The following FGA variants were observed in gnomAD, a reference collection of about 807,000 sequenced individuals.
FGA encodes the protein fibrinogen alpha chain, also known as fibrinogen, A alpha polypeptide.
Under a neutral mutation model 20.3 loss-of-function variants are expected in FGA, and 20 were observed. That is an observed-to-expected ratio of 0.99 (90% confidence interval 0.69 to 1.43). The LOEUF (loss-of-function observed/expected upper bound fraction) is 1.43. Among genes scored for constraint, FGA ranks in the 40% most tolerant of loss-of-function variants. The pLI, the probability that FGA is intolerant of heterozygous loss-of-function variation, is 0.00. For synonymous variants in FGA, 306 were observed against 281.6 expected, an observed-to-expected ratio of 1.09 and a Z score of -0.87; for missense variants, 777 against 784.7, an observed-to-expected ratio of 0.99 and a Z score of 0.12.
At chr4:154,584,576 G>C (rs373841420), downstream of FGA, 1 of 1,614,170 alleles carries the variant, frequency 6.2e-7, no homozygotes, top group African/African-American at 1.3e-5. Context: ...CTTTGGGTTA[G>C]TAAGTGGAGG....
intron 3 of FGA, among the ~76,000 whole-genome samples, chr4:154,588,441 A>T (rs1007232424): frequency 6.6e-6 from 1 of 152,110 alleles, no homozygotes; most frequent in African/African-American, 2.4e-5. Context: ...AAGTTCCTTG[A>T]CCTCTCAGTT....
intron 2 of FGA, 94 bp from the exon 3 acceptor site, chr4:154,589,070 C>T: frequency 2.6e-6 from 3 of 1,151,776 alleles, no homozygotes; most frequent in South Asian, 1.3e-5. Flanking sequence ...TCTTCCTACC[C>T]TATCTCTTCC....
At chr4:154,583,779 A>C, downstream of FGA, 1 of 233,216 alleles carries the variant, frequency 4.3e-6, no homozygotes, top group Non-Finnish European at 8.4e-6. Flanking sequence ...CAATGGCATT[A>C]TGATTTTGGG....
rs1185251751 is a variant in FGA at position 154,588,858 on chromosome 4, T to C, written c.299A>G (p.Lys100Arg). The C allele has an allele frequency of 6.2e-7, 1 of 1,612,480 alleles. No individual in the cohort carries two copies. Among genetic ancestry groups the C allele is most frequent in the South Asian group, 1.1e-5 (1 of 90,970 alleles). ...ATTAGTGGTCAACGAATGAGAATCC[T>C]TATTGTTCTTCTGATATTCAAATAG... ...NSLFEYQKNN[K>R]DSHSLTTNIM... Residue 100 changes from lysine (K) to arginine (R), a missense_variant, in exon 3 of 5, where the codon AAG (lysine) becomes AGG (arginine). Lys to Arg is a conservative substitution (Grantham distance 26, BLOSUM62 2). Coordinates refer to ENST00000403106, the MANE Select transcript of FGA (RefSeq NM_021871.4).
rs1578796171 is a variant in FGA, at chr4:154,586,479, C to T, written c.950G>A (p.Gly317Glu). The T allele has an allele frequency of 6.2e-7, 1 of 1,613,902 alleles. No individual in the cohort carries two copies. The highest frequency in any genetic ancestry group is 2.2e-5 in the East Asian group (1 of 44,856). ...NRNPGSSGTG[G>E]TATWKPGSSG... is the part of the protein sequence containing the mutation. ...GCTCCCAGGTTTCCAGGTTGCAGTC[C>T]CTCCAGTCCCAGAGCTCCCAGGGTT... The change falls in exon 5 of 5, where the codon GGG becomes GAG. Residue 317 changes from glycine to glutamate, a missense_variant. Coordinates refer to ENST00000403106, the MANE Select transcript of FGA (RefSeq NM_021871.4).
At chr4:154,589,389 C>G (rs377738315) in intron 2 of FGA, 48 bp downstream of exon 2, 7 of 1,611,616 alleles carry the variant, frequency 4.3e-6, no homozygotes, top group Middle Eastern at 1.7e-4. Context: ...GTGAGCCCCT[C>G]TAGCATCAGA....
chr4:154,583,569 A>G (rs1412794458), downstream of FGA: 1 of 152,596 alleles, frequency 6.6e-6, no homozygotes, highest in Non-Finnish European at 1.5e-5. Context: ...TATATTTAGG[A>G]AAGAATGTTT....
chr4:154,584,464 T>C, downstream of FGA: 1 of 1,614,162 alleles, frequency 6.2e-7, no homozygotes, highest in African/African-American at 1.3e-5. Context: ...GGAGGAGACT[T>C]GGAGGGCATA....
chr4:154,586,312 A>T lies in FGA; in HGVS notation c.1117T>A (p.Trp373Arg). ...GSSERGSAGH[W>R]TSESSVSGST... ...CCAGATACAGAGCTCTCAGAGGTCC[A>T]GTGCCCAGCACTTCCGCGTTCAGAG... The change falls in exon 5 of 5, where the codon TGG becomes AGG. Residue 373 changes from tryptophan to arginine, a missense_variant. Trp to Arg is a moderately radical substitution (Grantham distance 101, BLOSUM62 -3). Transcript: ENST00000403106. 6.2e-7 allele frequency: 1 copy of T among 1,614,236 alleles called. No homozygotes were observed. Among genetic ancestry groups the T allele is most frequent in the Non-Finnish European group, 8.5e-7 (1 of 1,180,034 alleles).
At position 154,585,607 on chromosome 4, in the gene FGA, C is replaced by T. The variant is rs768184019; in HGVS notation, c.1822G>A (p.Gly608Arg). The change falls in exon 5 of 5, where the codon GGA (glycine) becomes AGA (arginine). Residue 608 changes from glycine to arginine, a missense_variant. Transcript: ENST00000403106. ...GTTCCTTCATGATCGGCTTCACTTC[C>T]GGCCTCATCTGCCATTTTATAGCTC... is the stretch of plus-strand genomic sequence containing the variant. Reference protein sequence around the residue: ...SKSYKMADEAGSEADHEGTHS... With the variant: ...SKSYKMADEARSEADHEGTHS... 15 of 1,614,156 alleles carry T rather than the reference C, an allele frequency of 9.3e-6. No homozygotes were observed. In the East Asian group the frequency reaches 2.2e-4, roughly 24 times the overall value.
intron 1 of FGA, 99 bp downstream of exon 1, chr4:154,590,535 A>T: frequency 9.8e-7 from 1 of 1,024,462 alleles, no homozygotes; most frequent in Non-Finnish European, 1.5e-6. Context: ...TAAAGCTAAG[A>T]GTGTGTCAGG....
In FGA at chr4:154,585,464, G is replaced by A; in HGVS notation, c.*30C>T. ...TAAGAAGGAAATGCAAGGGGCCATG[G>A]GAACACTGTGCAGAAATATTTAACT... On this transcript the variant is annotated 3_prime_UTR_variant, in exon 5 of 5. Coordinates refer to ENST00000403106, the MANE Select transcript of FGA (RefSeq NM_021871.4). 7.0e-7 allele frequency: 1 copy of A among 1,423,552 alleles called. No individual in the cohort carries two copies. Among genetic ancestry groups the A allele is most frequent in the South Asian group, 1.2e-5 (1 of 86,512 alleles). The allele number at this position is 1,423,552 out of a possible 1,614,324, so 88.2% of individuals were successfully genotyped here.
rs1247609485 is a variant in FGA at position 154,586,103 on chromosome 4, G to A, written c.1326C>T (p.Leu442=). 10 of 1,614,024 alleles carry A rather than the reference G, an allele frequency of 6.2e-6. No homozygotes were observed. Among genetic ancestry groups the A allele is most frequent in the Non-Finnish European group, 8.5e-6 (10 of 1,180,034 alleles). Residue 442 remains leucine, a synonymous_variant, in exon 5 of 5, where the codon CTC becomes CTT. Transcript: ENST00000403106. ...AGGTGACCTTCTCTTTACCAGTCCTGAGCTCTTTATCTCCTTTAGAAGTGA... is the reference window on the plus strand; with the variant it reads ...AGGTGACCTTCTCTTTACCAGTCCTAAGCTCTTTATCTCCTTTAGAAGTGA... ...KLVTSKGDKE[L]RTGKEKVTSG...
downstream of FGA, chr4:154,583,777 T>G: frequency 4.3e-6 from 1 of 232,032 alleles, no homozygotes. Flanking sequence ...TCCAATGGCA[T>G]TATGATTTTG....
At chr4:154,589,699 G>A (rs1463794217) in intron 1 of FGA, 137 bp from the exon 2 acceptor site, 9 of 939,062 alleles carry the variant, frequency 9.6e-6, no homozygotes, top group East Asian at 7.5e-5. Context: ...CAGGGCTTCG[G>A]CAAGCTTCAG....
chr4:154,587,007 T>A, intron 4 of FGA, 89 bp from the exon 5 acceptor site: 1 of 1,358,856 alleles, frequency 7.4e-7, no homozygotes, highest in Non-Finnish European at 1.0e-6. Context: ...ATTTTCCTTC[T>A]GGAAACTGGT....
chr4:154,588,931 C>A lies in FGA; in HGVS notation c.226G>T (p.Glu76Ter). The part of the protein sequence containing the change: ...SGCRMKGLID[E>*]VNQDFTNRIN... ...CTGTTTGTAAAATCTTGATTGACTT[C>A]ATCAATCAACCCTTTCATCCTGCAG... Residue 76 changes from glutamate to a stop codon, truncating the protein, a stop_gained, in exon 3 of 5, where the codon GAA becomes TAA. Coordinates refer to ENST00000403106, the MANE Select transcript of FGA (RefSeq NM_021871.4). LOFTEE classifies it high-confidence loss of function. The A allele has an allele frequency of 6.2e-7, 1 of 1,612,840 alleles. No homozygotes were observed. The highest frequency in any genetic ancestry group is 8.5e-7 in the Non-Finnish European group (1 of 1,178,986).
At chr4:154,583,511 T>C (rs1194212651), downstream of FGA, 1 of 152,174 alleles carries the variant, frequency 6.6e-6, no homozygotes, top group Non-Finnish European at 1.5e-5. Flanking sequence ...AAAAAATAAG[T>C]GTGCATTACA....
Position 154,585,656 on chromosome 4 carries a change from T to A in FGA, c.1773A>T (p.Arg591Ser). 1.2e-6 allele frequency: 2 copies of A among 1,614,182 alleles called. No homozygotes were observed. The highest frequency in any genetic ancestry group is 1.7e-6 in the Non-Finnish European group (2 of 1,180,010). The stretch of plus-strand genomic sequence containing the variant: ...TCTTGCTTTCAAATGTGGAGTCTCC[T>A]CTGTTGTAACTCGTGCTACTAGTAA... ...KQFTSSTSYNRGDSTFESKSY... is the reference protein window; with the variant it reads ...KQFTSSTSYNSGDSTFESKSY... The change falls in exon 5 of 5, where the codon AGA becomes AGT. Residue 591 changes from arginine (R) to serine (S), a missense_variant. Transcript: ENST00000403106.
Sources: allele counts gnomAD v4.1 joint callset (sites outside exome capture counted in the v4.1 genomes callset), GRCh38; gene constraint gnomAD v4.1.1; transcripts MANE v1.5; gene names NCBI Gene and HGNC (gene_info 2026-07-23, HGNC 2026-07-21).